Variants in ZNF704 observed in about 807,000 individuals in gnomAD.
ZNF704 encodes zinc finger protein 704.
A neutral mutation model predicts 44.7 loss-of-function variants in ZNF704; 10 were observed. The observed-to-expected ratio is 0.22, with a 90% CI of 0.14 to 0.38. ZNF704 has a LOEUF of 0.38. ZNF704 is among the 10% of genes least tolerant of loss of function. The pLI, the probability that ZNF704 is intolerant of heterozygous loss-of-function variation, is 1.00. For synonymous variants in ZNF704, 211 were observed against 207.6 expected (o/e 1.02, Z -0.14); for missense variants, 390 against 545.5 (o/e 0.71, Z 2.84).
chr8:80,881,197 C>T, the ZNF704 span, among the ~76,000 whole-genome samples: 1 of 152,238 alleles, frequency 6.6e-6, no homozygotes, highest in Non-Finnish European at 1.5e-5. Context: ...CCTAGTGGCA[C>T]AAAGGAATAC....
chr8:80,796,371 G>C (rs558646631), intron 2 of ZNF704, among the ~76,000 whole-genome samples: 3 of 152,266 alleles, frequency 2.0e-5, no homozygotes, highest in African/African-American at 7.2e-5. Flanking sequence ...TCCACTAATA[G>C]GTTAACCCAT....
intron 2 of ZNF704, among the ~76,000 whole-genome samples, chr8:80,775,159 T>C (rs1807390262): frequency 6.6e-6 from 1 of 152,194 alleles, no homozygotes; most frequent in African/African-American, 2.4e-5. Flanking sequence ...CAAAAATCAC[T>C]GGATCCCAAC....
intron 2 of ZNF704, among the ~76,000 whole-genome samples, chr8:80,793,533 T>C (rs1448741706): frequency 6.6e-6 from 1 of 152,070 alleles, no homozygotes; most frequent in African/African-American, 2.4e-5. Flanking sequence ...TGTAAGCCCA[T>C]TATTTAGAAA....
chr8:80,678,435 T>C (rs1048368710), intron 4 of ZNF704, among the ~76,000 whole-genome samples: 1 of 152,218 alleles, frequency 6.6e-6, no homozygotes, highest in African/African-American at 2.4e-5. Context: ...ACCTTCATAG[T>C]TTACACATGC....
At chr8:80,772,166 T>C (rs959661268) in intron 2 of ZNF704, among the ~76,000 whole-genome samples, 3 of 152,220 alleles carry the variant, frequency 2.0e-5, no homozygotes, top group African/African-American at 7.2e-5. Flanking sequence ...GGGATATTTC[T>C]CTGTATTCTT....
At chr8:80,678,852 T>C (rs1351382345) in intron 4 of ZNF704, among the ~76,000 whole-genome samples, 1 of 152,122 alleles carries the variant, frequency 6.6e-6, no homozygotes, top group African/African-American at 2.4e-5. Flanking sequence ...GGGCTTCTGG[T>C]TCATAGATCT....
intron 4 of ZNF704, among the ~76,000 whole-genome samples, chr8:80,685,029 A>C (rs1818511885): frequency 6.6e-6 from 1 of 152,126 alleles, no homozygotes. Context: ...GTCTGAATAG[A>C]GGGAGAAGTC....
intron 2 of ZNF704, among the ~76,000 whole-genome samples, chr8:80,763,735 G>C (rs1385831396): frequency 6.6e-6 from 1 of 152,144 alleles, no homozygotes; most frequent in Non-Finnish European, 1.5e-5. Flanking sequence ...CAGAAAATAG[G>C]TTTCTCTTTT....
intron 1 of ZNF704, among the ~76,000 whole-genome samples, chr8:80,851,309 T>C (rs768325917): frequency 6.6e-6 from 1 of 152,094 alleles, no homozygotes; most frequent in Non-Finnish European, 1.5e-5. Context: ...TAGCAAAGAC[T>C]TGGAACCAAC....
chr8:80,877,972 T>C (rs1399335230), upstream of ZNF704, among the ~76,000 whole-genome samples: 1 of 152,218 alleles, frequency 6.6e-6, no homozygotes, highest in East Asian at 1.9e-4. Flanking sequence ...TGAAGTTTAG[T>C]GTGAACTTTG....
intron 2 of ZNF704, among the ~76,000 whole-genome samples, chr8:80,765,829 G>A (rs964894924): frequency 7.9e-5 from 12 of 151,970 alleles, no homozygotes; most frequent in African/African-American, 2.4e-4. Flanking sequence ...GATCAACACC[G>A]ATCTCTTGGC....
intron 7 of ZNF704, among the ~76,000 whole-genome samples, chr8:80,651,708 A>G (rs2131597275): frequency 6.6e-6 from 1 of 152,314 alleles, no homozygotes; most frequent in African/African-American, 2.4e-5. Context: ...ACTCCCACAC[A>G]ATAATAATGG....
intron 1 of ZNF704, among the ~76,000 whole-genome samples, chr8:80,830,823 T>C (rs1416303335): frequency 7.3e-6 from 1 of 137,024 alleles, no homozygotes; most frequent in Non-Finnish European, 1.6e-5. Context: ...AGTGGCACAA[T>C]CTCAACTCAC....
intron 2 of ZNF704, among the ~76,000 whole-genome samples, chr8:80,771,032 TTG>T (rs1807311187): frequency 6.6e-6 from 1 of 152,192 alleles, no homozygotes; most frequent in African/African-American, 2.4e-5. Context: ...TTAGGCTCAT[TTG>T]TGTGTCTGTT....
chr8:80,804,422 C>T (rs1807952793), intron 2 of ZNF704, among the ~76,000 whole-genome samples: 1 of 152,164 alleles, frequency 6.6e-6, no homozygotes, highest in South Asian at 2.1e-4. Context: ...GTGAAATCAA[C>T]CTAAATGCCC....
At chr8:80,761,053 A>G (rs748141941) in intron 2 of ZNF704, among the ~76,000 whole-genome samples, 5 of 152,112 alleles carry the variant, frequency 3.3e-5, no homozygotes, top group Non-Finnish European at 7.4e-5. Context: ...ACAATTCAAC[A>G]TGAGATTTGG....
intron 2 of ZNF704, among the ~76,000 whole-genome samples, chr8:80,782,306 T>C (rs984421560): frequency 1.3e-5 from 2 of 152,188 alleles, no homozygotes. Context: ...ACAAATGTAA[T>C]TGTCTGCATT....
chr8:80,643,826 G>T (rs1032031391), intron 7 of ZNF704, among the ~76,000 whole-genome samples: 1 of 152,116 alleles, frequency 6.6e-6, no homozygotes. Flanking sequence ...CTTTTTAGAG[G>T]ATGAAACATA....
rs903162618 is a variant in ZNF704, at chr8:80,637,151, C to T, written c.*4215G>A. The T allele has an allele frequency of 6.6e-6, 1 of 151,664 alleles. No homozygotes were observed. The highest frequency in any genetic ancestry group is 2.4e-5 in the African/African-American group (1 of 41,218). The allele number at this position is 151,664 out of a possible 1,614,324, so 9.4% of individuals were successfully genotyped here. A position where few individuals can be genotyped will look rare whatever the true frequency, so the allele number is the denominator to read the frequency against. On this transcript the variant is annotated 3_prime_UTR_variant, in exon 9 of 9. Transcript: ENST00000327835. ...GTTTTCCCAGGGCACTCCCCTATGC[C>T]TCACAAATGTCAGTACTGCCCAGTT...
Sources: allele counts gnomAD v4.1 joint callset (sites outside exome capture counted in the v4.1 genomes callset), GRCh38; gene constraint gnomAD v4.1.1; transcripts MANE v1.5; gene names NCBI Gene and HGNC (gene_info 2026-07-23, HGNC 2026-07-21).